Variants in CPNE4 observed in about 807,000 individuals in gnomAD.
CPNE4 encodes copine 4, also known as copine-4.
CPNE4 carries 25 observed loss-of-function variants against 67.9 expected under a neutral mutation model. The ratio of observed to expected loss-of-function variants is 0.37; its 90% confidence interval spans 0.27 to 0.51. The LOEUF (loss-of-function observed/expected upper bound fraction) is 0.51. CPNE4 is among the 20% of genes least tolerant of loss of function. The probability of loss-of-function intolerance (pLI) is 0.93; values close to 1 mark genes in which losing one functional copy is unlikely to be tolerated. For synonymous variants in CPNE4, 242 were observed against 244.9 expected, an observed-to-expected ratio of 0.99 and a Z score of 0.11; for missense variants, 464 against 690.8, an observed-to-expected ratio of 0.67 and a Z score of 3.68.
intron 2 of CPNE4, among the ~76,000 whole-genome samples, chr3:131,736,278 T>C (rs551704634): frequency 6.6e-6 from 1 of 152,192 alleles, no homozygotes; most frequent in African/African-American, 2.4e-5. Context: ...CTAAAAGACT[T>C]CCTCTTGAAA....
chr3:131,948,821 T>A (rs2071635920), intron 1 of CPNE4, among the ~76,000 whole-genome samples: 1 of 152,188 alleles, frequency 6.6e-6, no homozygotes, highest in Non-Finnish European at 1.5e-5. Context: ...TCTGCTGATA[T>A]GCTTTAGTAC....
intron 5 of CPNE4, among the ~76,000 whole-genome samples, chr3:131,694,028 A>G (rs1444493262): frequency 1.3e-5 from 2 of 152,172 alleles, no homozygotes; most frequent in East Asian, 3.8e-4. Context: ...TACCTAAAGT[A>G]TGTAGACTCC....
intron 8 of CPNE4, among the ~76,000 whole-genome samples, chr3:131,585,799 A>G (rs1380088893): frequency 6.6e-6 from 1 of 152,120 alleles, no homozygotes; most frequent in East Asian, 1.9e-4. Context: ...TTATCTTGGG[A>G]ATGACTTTGC....
In CPNE4 at chr3:131,880,347, G is replaced by C. The variant is rs370414915; in HGVS notation, c.180+24917C>G. 9.9e-5 allele frequency among the ~76,000 whole-genome samples: 15 copies of C among 152,126 alleles called. No homozygotes were observed. The East Asian group carries it at 1.5e-3, about 16-fold the overall frequency. On this transcript the variant is annotated intron_variant, in intron 2 of 15. Transcript: ENST00000429747. ...AGCCAGGATGATCTCGATCTCCTGA[G>C]CTCGTGATACGCCCGCCCGACCTCC...
intron 1 of CPNE4, among the ~76,000 whole-genome samples, chr3:131,946,377 T>G (rs916069799): frequency 1.3e-5 from 2 of 152,244 alleles, no homozygotes; most frequent in Non-Finnish European, 2.9e-5. Flanking sequence ...TGACTAAATA[T>G]ATAATATTCC....
chr3:131,963,514 A>T (rs1250747149), intron 1 of CPNE4, among the ~76,000 whole-genome samples: 1 of 152,170 alleles, frequency 6.6e-6, no homozygotes, highest in Admixed American at 6.5e-5. Flanking sequence ...CTGCCAGCAA[A>T]GCAGTCTGAA....
At chr3:131,839,937 T>C (rs13315825) in intron 2 of CPNE4, among the ~76,000 whole-genome samples, 116 of 152,306 alleles carry the variant, frequency 7.6e-4, no homozygotes, top group African/African-American at 1.8e-3. Flanking sequence ...TTATCTATCA[T>C]GTATGAGGCC....
Position 131,940,050 on chromosome 3 carries a change from C to T in CPNE4, c.-1-34606G>A, listed in dbSNP as rs188408413. Among the ~76,000 whole-genome samples the T allele has an allele frequency of 1.8e-3, 280 of 152,174 alleles. 1 individual carries two copies. Among genetic ancestry groups the T allele is most frequent in the Admixed American group, 5.1e-3 (78 of 15,264 alleles). On this transcript the variant is annotated intron_variant, in intron 1 of 15. Coordinates refer to ENST00000429747, the MANE Select transcript of CPNE4 (RefSeq NM_130808.3). ...GTGTTTTGTGTTACCTGTTTGTGTG[C>T]ATTTTTGTGTATGTGCTCTAACCCT...
chr3:131,718,893 TAAAC>T (rs1464895361), intron 3 of CPNE4, among the ~76,000 whole-genome samples: 2 of 152,210 alleles, frequency 1.3e-5, no homozygotes, highest in African/African-American at 2.4e-5. Flanking sequence ...AAAGAAGAAA[TAAAC>T]GAATGAATGA....
intron 3 of CPNE4, among the ~76,000 whole-genome samples, chr3:131,717,904 T>TTCTTTCTTTC (rs1490549782): frequency 1.6e-5 from 2 of 121,674 alleles, no homozygotes; most frequent in African/African-American, 5.5e-5. Context: ...CTTTCTTTCT[T>TTCTTTCTTTC]TCTTTCTTTC....
At chr3:131,891,559 T>C (rs1245692605) in intron 2 of CPNE4, among the ~76,000 whole-genome samples, 1 of 152,000 alleles carries the variant, frequency 6.6e-6, no homozygotes, top group Non-Finnish European at 1.5e-5. Flanking sequence ...TTTTTCCTTA[T>C]CCTCTCCCTC....
rs376668651 is a variant in CPNE4, at chr3:131,699,147, G to A, written c.432+762C>T. ...TCAAGGTCTCTTAATAGAAGATGTCGAACTTTCAAATACCAGGCATTCCAT... is the reference window on the plus strand; with the variant it reads ...TCAAGGTCTCTTAATAGAAGATGTCAAACTTTCAAATACCAGGCATTCCAT... On this transcript the variant is annotated intron_variant, in intron 4 of 15. Coordinates refer to ENST00000429747, the MANE Select transcript of CPNE4 (RefSeq NM_130808.3). 1.9e-4 allele frequency among the ~76,000 whole-genome samples: 29 copies of A among 152,046 alleles called. 1 individual carries two copies. Among genetic ancestry groups the A allele is most frequent in the East Asian group, 1.4e-3 (7 of 5,180 alleles).
chr3:131,772,328 T>A (rs374548000), intron 2 of CPNE4, among the ~76,000 whole-genome samples: 3 of 152,276 alleles, frequency 2.0e-5, no homozygotes, highest in Admixed American at 2.0e-4. Flanking sequence ...ATTATAACCA[T>A]TAATTGGTAT....
At chr3:131,579,425 C>A (rs1190881457) in intron 9 of CPNE4, among the ~76,000 whole-genome samples, 1 of 152,154 alleles carries the variant, frequency 6.6e-6, no homozygotes, top group Non-Finnish European at 1.5e-5. Context: ...CTATTCTGCA[C>A]CCCATGAATC....
chr3:131,700,586 T>G (rs370731759), intron 3 of CPNE4, among the ~76,000 whole-genome samples: 3 of 152,318 alleles, frequency 2.0e-5, no homozygotes, highest in African/African-American at 7.2e-5. Flanking sequence ...TAGCAGAACT[T>G]GTCCCATTCT....
chr3:132,036,939 C>T (rs2074349875), upstream of CPNE4, among the ~76,000 whole-genome samples: 1 of 152,172 alleles, frequency 6.6e-6, no homozygotes, highest in Non-Finnish European at 1.5e-5. Flanking sequence ...TTACAACAAC[C>T]TGCCCAAGAA....
At chr3:131,913,908 A>T (rs1287395973) in intron 1 of CPNE4, among the ~76,000 whole-genome samples, 4 of 152,240 alleles carry the variant, frequency 2.6e-5, no homozygotes, top group African/African-American at 9.6e-5. Flanking sequence ...ATTAATCCAC[A>T]TAAAAGTCTT....
At chr3:131,600,531 T>A (rs1939144076) in intron 7 of CPNE4, among the ~76,000 whole-genome samples, 1 of 152,176 alleles carries the variant, frequency 6.6e-6, no homozygotes, top group African/African-American at 2.4e-5. Context: ...AGATCTATTA[T>A]AAATATTGGG....
chr3:132,035,805 TG>T (rs1469463040), upstream of CPNE4, among the ~76,000 whole-genome samples: 8 of 152,328 alleles, frequency 5.3e-5, no homozygotes, highest in African/African-American at 1.9e-4. Flanking sequence ...AATTGGACTT[TG>T]GAATTAATGA....
Sources: allele counts gnomAD v4.1 joint callset (sites outside exome capture counted in the v4.1 genomes callset), GRCh38; gene constraint gnomAD v4.1.1; transcripts MANE v1.5; gene names NCBI Gene and HGNC (gene_info 2026-07-23, HGNC 2026-07-21).